The following UNC5D variants were observed in gnomAD, a reference collection of about 807,000 sequenced individuals.
UNC5D encodes the protein netrin receptor UNC5D.
UNC5D carries 39 observed loss-of-function variants against 105.4 expected under a neutral mutation model. The observed-to-expected ratio is 0.37, with a 90% CI of 0.29 to 0.48. The LOEUF is 0.48. Ranked by LOEUF, UNC5D falls within the 20% of genes least tolerant of loss-of-function variation. The probability of loss-of-function intolerance (pLI) is 0.98; values close to 1 mark genes in which losing one functional copy is unlikely to be tolerated. For missense variants in UNC5D, 991 were observed against 1,202.4 expected (o/e 0.82, Z 2.60); for synonymous variants, 452 against 450.4 (o/e 1.00, Z -0.04).
chr8:35,420,192 AT>A (rs1382199751), intron 1 of UNC5D, among the ~76,000 whole-genome samples: 1 of 151,748 alleles, frequency 6.6e-6, no homozygotes, highest in African/African-American at 2.4e-5. Context: ...TCAAGCAACT[AT>A]TTTTTTGTTT....
At chr8:35,378,772 G>A (rs1203424052) in intron 1 of UNC5D, among the ~76,000 whole-genome samples, 1 of 152,176 alleles carries the variant, frequency 6.6e-6, no homozygotes, top group Non-Finnish European at 1.5e-5. Context: ...TTATACACCT[G>A]AATTGTAAAG....
intron 10 of UNC5D, among the ~76,000 whole-genome samples, chr8:35,728,632 T>G (rs1231705042): frequency 6.6e-6 from 1 of 152,188 alleles, no homozygotes; most frequent in Non-Finnish European, 1.5e-5. Flanking sequence ...AAATATGCCC[T>G]AGGGAGCTAA....
intron 1 of UNC5D, among the ~76,000 whole-genome samples, chr8:35,273,680 G>A (rs902059835): frequency 1.3e-5 from 2 of 152,150 alleles, no homozygotes; most frequent in African/African-American, 2.4e-5. Context: ...TTTAATTTCA[G>A]TGTTTTAGTC....
intron 1 of UNC5D, among the ~76,000 whole-genome samples, chr8:35,354,443 A>C (rs922200589): frequency 5.3e-5 from 8 of 152,184 alleles, no homozygotes; most frequent in Non-Finnish European, 1.0e-4. Flanking sequence ...TGTGAACTCC[A>C]GGGCAACTTG....
intron 4 of UNC5D, among the ~76,000 whole-genome samples, chr8:35,630,181 A>G (rs1419446532): frequency 6.6e-6 from 1 of 152,188 alleles, no homozygotes; most frequent in Non-Finnish European, 1.5e-5. Flanking sequence ...ACCGAACTTT[A>G]CTTCTTGTAA....
chr8:35,534,011 G>A lies in UNC5D; in HGVS notation c.104-15281G>A, dbSNP rs996480904. On this transcript the variant is annotated intron_variant, in intron 1 of 16. Coordinates refer to ENST00000404895, the MANE Select transcript of UNC5D (RefSeq NM_080872.4). ...AATGTAGAAATCACCCGTCTTCTGCGTCGCTCACGCTGGGAACTGTAGACC... is the reference window on the plus strand; with the variant it reads ...AATGTAGAAATCACCCGTCTTCTGCATCGCTCACGCTGGGAACTGTAGACC... Among the ~76,000 whole-genome samples the A allele has an allele frequency of 2.3e-4, 34 of 148,232 alleles. 1 individual carries two copies. Among genetic ancestry groups the A allele is most frequent in the African/African-American group, 3.2e-4 (13 of 40,296 alleles).
intron 15 of UNC5D, among the ~76,000 whole-genome samples, chr8:35,768,865 T>C (rs946498310): frequency 1.3e-5 from 2 of 152,230 alleles, no homozygotes; most frequent in African/African-American, 4.8e-5. Flanking sequence ...TATTTCAATA[T>C]TTATTGTTAG....
intron 4 of UNC5D, among the ~76,000 whole-genome samples, chr8:35,656,586 G>T (rs142283808): frequency 6.6e-6 from 1 of 152,136 alleles, no homozygotes; most frequent in Non-Finnish European, 1.5e-5. Flanking sequence ...AGAGCATAGA[G>T]AGAGTCACTT....
chr8:35,715,606 C>T (rs979392879), intron 8 of UNC5D, among the ~76,000 whole-genome samples: 9 of 151,858 alleles, frequency 5.9e-5, no homozygotes, highest in South Asian at 2.1e-4. Context: ...GTTAAAAAGG[C>T]GGCATGTTTG....
intron 4 of UNC5D, among the ~76,000 whole-genome samples, chr8:35,656,464 T>A (rs28676752): frequency 0.18 from 27,343 of 152,064 alleles, 5,565 homozygotes; most frequent in African/African-American, 0.51. Flanking sequence ...TTAAATATTA[T>A]TTTCCCCATC....
chr8:35,662,902 C>T (rs79589962), intron 4 of UNC5D, among the ~76,000 whole-genome samples: 126 of 152,236 alleles, frequency 8.3e-4, no homozygotes, highest in African/African-American at 2.7e-3. Context: ...TCAGCCTCAA[C>T]GCTAGATTCT....
intron 1 of UNC5D, among the ~76,000 whole-genome samples, chr8:35,338,032 C>T (rs1010555368): frequency 1.3e-5 from 2 of 152,190 alleles, no homozygotes; most frequent in African/African-American, 4.8e-5. Flanking sequence ...AGTACTACTT[C>T]AAGGTTTGAA....
chr8:35,781,685 C>A (rs537155952), intron 16 of UNC5D, among the ~76,000 whole-genome samples: 200 of 152,256 alleles, frequency 1.3e-3, no homozygotes, highest in African/African-American at 4.6e-3. Context: ...TTAACTATTT[C>A]TTTTCAATTA....
rs1586046659 is a variant in UNC5D, at chr8:35,525,388, CT to C, written c.104-23901del. 5.6e-6 allele frequency: 9 copies of C among 1,612,106 alleles called. No homozygotes were observed. The East Asian group carries it at 2.0e-4, about 36-fold the overall frequency. The stretch of plus-strand genomic sequence containing the variant: ...ATGTTTTTTTCTTGCCATTTACAGT[CT>C]TTAATGGTCTTGTGAATGGTCTGGA... On this transcript the variant is annotated intron_variant, in intron 1 of 16. Transcript: ENST00000404895.
intron 1 of UNC5D, among the ~76,000 whole-genome samples, chr8:35,497,242 A>T (rs1255655932): frequency 6.6e-6 from 1 of 152,306 alleles, no homozygotes; most frequent in African/African-American, 2.4e-5. Flanking sequence ...CTGTGTCTTC[A>T]GAGATTAGGA....
rs1158170841 is a variant in UNC5D, at chr8:35,572,908, A to G, written c.466+4667A>G. ...AAGCTCCGCCTCCAGGGTTCACGCC[A>G]TTCTCCTCCCTCAGCCTCCCACGCA... is the stretch of plus-strand genomic sequence containing the variant. On this transcript the variant is annotated intron_variant, in intron 3 of 16. Transcript: ENST00000404895. Among the ~76,000 whole-genome samples, 5 of 148,460 alleles carry G rather than the reference A, an allele frequency of 3.4e-5. No homozygotes were observed. In the South Asian group the frequency reaches 1.1e-3, roughly 31 times the overall value.
At chr8:35,457,274 T>G (rs2128995400) in intron 1 of UNC5D, among the ~76,000 whole-genome samples, 1 of 152,298 alleles carries the variant, frequency 6.6e-6, no homozygotes, top group South Asian at 2.1e-4. Flanking sequence ...TTCTTTGGTG[T>G]CATGATGTTT....
chr8:35,258,540 G>A (rs1392228793), intron 1 of UNC5D, among the ~76,000 whole-genome samples: 1 of 152,076 alleles, frequency 6.6e-6, no homozygotes, highest in Non-Finnish European at 1.5e-5. Flanking sequence ...CTGTAAAATG[G>A]GGATAAATAA....
At chr8:35,450,757 A>C (rs1336570045) in intron 1 of UNC5D, among the ~76,000 whole-genome samples, 1 of 152,172 alleles carries the variant, frequency 6.6e-6, no homozygotes, top group Non-Finnish European at 1.5e-5. Flanking sequence ...CCTTCCATAG[A>C]AACCATAATT....
Sources: allele counts gnomAD v4.1 joint callset (sites outside exome capture counted in the v4.1 genomes callset), GRCh38; gene constraint gnomAD v4.1.1; transcripts MANE v1.5; gene names NCBI Gene and HGNC (gene_info 2026-07-23, HGNC 2026-07-21).